MICAL3: variants seen among roughly 807,000 people sequenced by gnomAD.
The protein encoded by MICAL3 is [F-actin]-monooxygenase MICAL3.
MICAL3 carries 62 observed loss-of-function variants against 207.4 expected under a neutral mutation model. That is an observed-to-expected ratio of 0.30 (90% CI 0.24 to 0.37). MICAL3 has a LOEUF of 0.37. MICAL3 is among the 10% of genes least tolerant of loss of function. MICAL3 has a pLI of 1.00. For synonymous variants in MICAL3, 1,077 were observed against 1,069.3 expected (o/e 1.01, Z -0.14); for missense variants, 2,368 against 2,635.6 (o/e 0.90, Z 2.22).
intron 16 of MICAL3, among the ~76,000 whole-genome samples, chr22:17,883,398 T>A (rs759548578): frequency 3.9e-5 from 6 of 152,168 alleles, no homozygotes; most frequent in Non-Finnish European, 7.3e-5. Flanking sequence ...AAAACCCAAC[T>A]CACCACTCCT....
intron 19 of MICAL3, among the ~76,000 whole-genome samples, chr22:17,850,557 G>A (rs937648961): frequency 2.6e-5 from 4 of 151,770 alleles, no homozygotes; most frequent in East Asian, 1.9e-4. Flanking sequence ...GATTACAGGC[G>A]CCTGCCATCA....
At chr22:17,950,191 TCGC>T in intron 1 of MICAL3, among the ~76,000 whole-genome samples, 1 of 146,900 alleles carries the variant, frequency 6.8e-6, no homozygotes. Flanking sequence ...GACAAGAGTC[TCGC>T]TCTGTTACCC....
Position 17,959,010 on chromosome 22 carries a change from G to T in MICAL3, c.-74-52124C>A, listed in dbSNP as rs796870548. Among the ~76,000 whole-genome samples the T allele has an allele frequency of 3.6e-3, 310 of 85,904 alleles. 3 individuals carry two copies. The highest frequency in any genetic ancestry group is 0.013 in the African/African-American group (250 of 19,500). 56.4% of individuals were successfully genotyped at this position (85,904 alleles called of 152,430 possible). ...CATAAGCCACTGCGCCGGGCCTGGG[G>T]TTTTTTTTTTTTTTTTTTTTTTTGA... On this transcript the variant is annotated intron_variant, in intron 1 of 31. Coordinates refer to ENST00000441493, the MANE Select transcript of MICAL3 (RefSeq NM_015241.3).
At chr22:17,981,093 C>T (rs949792970) in intron 1 of MICAL3, 2 of 295,784 alleles carry the variant, frequency 6.8e-6, no homozygotes, top group African/African-American at 4.3e-5. Flanking sequence ...TTTATATGGA[C>T]ACATTTATTT....
intron 1 of MICAL3, among the ~76,000 whole-genome samples, chr22:18,021,341 A>C (rs1017006849): frequency 6.6e-6 from 1 of 152,212 alleles, no homozygotes; most frequent in Non-Finnish European, 1.5e-5. Flanking sequence ...TCAGGAAAGG[A>C]CATTTGGGCT....
chr22:17,889,172 T>C lies in MICAL3; in HGVS notation c.1753A>G (p.Ile585Val), dbSNP rs1008811258. The C allele has an allele frequency of 2.5e-6, 4 of 1,613,846 alleles. No individual in the cohort carries two copies. Among genetic ancestry groups the C allele is most frequent in the South Asian group, 2.2e-5 (2 of 91,074 alleles). ...VEKNNQLAFD[I>V]AEKELGISPI... ...GAAATGCCCAATTCCTTCTCAGCAA[T>C]GTCAAAGGCCAGTTGGTTATTCTTC... is the stretch of plus-strand genomic sequence containing the variant. Residue 585 changes from isoleucine (I) to valine (V), a missense_variant, in exon 13 of 32, where the codon ATT becomes GTT. Physicochemically the swap from Ile to Val is conservative, Grantham distance 29. Transcript: ENST00000441493.
chr22:17,981,175 A>G (rs1935892627), intron 1 of MICAL3, among the ~76,000 whole-genome samples: 1 of 152,236 alleles, frequency 6.6e-6, no homozygotes, highest in African/African-American at 2.4e-5. Flanking sequence ...ATAAATATAT[A>G]TCATAAAATA....
intron 1 of MICAL3, among the ~76,000 whole-genome samples, chr22:18,008,109 G>A (rs1923517530): frequency 6.6e-6 from 1 of 151,844 alleles, no homozygotes; most frequent in Non-Finnish European, 1.5e-5. Context: ...CATGGTGGCA[G>A]CCTGCCTGTG....
chr22:17,942,346 A>G (rs1356108277), intron 1 of MICAL3, among the ~76,000 whole-genome samples: 2 of 152,146 alleles, frequency 1.3e-5, no homozygotes, highest in African/African-American at 4.8e-5. Context: ...GCCCAGCCCC[A>G]CCAAGAACAG....
Position 17,789,704 on chromosome 22 carries a change from G to C in MICAL3, c.*1028C>G, listed in dbSNP as rs2145942662. 1 of 152,438 alleles carries C rather than the reference G, an allele frequency of 6.6e-6. No individual in the cohort carries two copies. Among genetic ancestry groups the C allele is most frequent in the East Asian group, 1.9e-4 (1 of 5,184 alleles). The allele number at this position is 152,438 out of a possible 1,614,324, so 9.4% of individuals were successfully genotyped here. ...ACGTGAGGAGCACCGGGCAGCCCCG[G>C]ACCAGGTCGCGTAGGACGCACCAGA... On this transcript the variant is annotated 3_prime_UTR_variant, in exon 32 of 32. Transcript: ENST00000441493.
intron 1 of MICAL3, among the ~76,000 whole-genome samples, chr22:17,938,233 CAA>C (rs1436203040): frequency 2.0e-5 from 3 of 152,178 alleles, no homozygotes; most frequent in Non-Finnish European, 2.9e-5. Flanking sequence ...CATTCAAACT[CAA>C]GAGCGCCTCA....
intron 1 of MICAL3, among the ~76,000 whole-genome samples, chr22:17,998,547 A>AATT (rs869148250): frequency 1.4e-4 from 19 of 138,170 alleles, no homozygotes; most frequent in African/African-American, 3.9e-4. Context: ...TAATAATAAT[A>AATT]ATTATTATTA....
rs556108386 is a variant in MICAL3, at chr22:17,866,093, T to C, written c.2429-81A>G. On this transcript the variant is annotated intron_variant, in intron 17 of 31. Coordinates refer to ENST00000441493, the MANE Select transcript of MICAL3 (RefSeq NM_015241.3). ...GTGCCTCCCTGGTCTCAGCCACTCC[T>C]TTCCATCTCCTCCAGCCTCACAAGG... The C allele has an allele frequency of 1.2e-5, 13 of 1,040,802 alleles. No homozygotes were observed. In the South Asian group the frequency reaches 1.4e-4, roughly 11 times the overall value. 64.5% of individuals were successfully genotyped at this position (1,040,802 alleles called of 1,614,324 possible).
rs138053958 is a variant in MICAL3, at chr22:17,937,693, T to C, written c.-74-30807A>G. Among the ~76,000 whole-genome samples the C allele has an allele frequency of 6.5e-3, 990 of 152,258 alleles. 10 individuals are homozygous for C. The highest frequency in any genetic ancestry group is 0.023 in the African/African-American group (958 of 41,548). On this transcript the variant is annotated intron_variant, in intron 1 of 31. Transcript: ENST00000441493. ...TAATAATTAACAATAATAAAAAAGATGGATTGCTATCAAAAACAGATTGCT... is the reference window on the plus strand; with the variant it reads ...TAATAATTAACAATAATAAAAAAGACGGATTGCTATCAAAAACAGATTGCT...
chr22:18,010,565 C>T (rs142927597), intron 1 of MICAL3, among the ~76,000 whole-genome samples: 1 of 152,002 alleles, frequency 6.6e-6, no homozygotes, highest in African/African-American at 2.4e-5. Flanking sequence ...TTGAGAGGTC[C>T]CTCAAAAGAA....
intron 1 of MICAL3, among the ~76,000 whole-genome samples, chr22:18,014,675 A>T (rs1485898938): frequency 1.3e-5 from 2 of 152,172 alleles, no homozygotes; most frequent in African/African-American, 4.8e-5. Context: ...TGGAAAAATT[A>T]AAGTCCTAAA....
chr22:17,920,915 A>G (rs1359576280), intron 1 of MICAL3, among the ~76,000 whole-genome samples: 1 of 152,168 alleles, frequency 6.6e-6, no homozygotes, highest in Non-Finnish European at 1.5e-5. Context: ...TGGGGCCCCA[A>G]ACTCACTAAG....
intron 1 of MICAL3, among the ~76,000 whole-genome samples, chr22:17,922,204 C>T (rs990530713): frequency 6.6e-6 from 1 of 151,398 alleles, no homozygotes; most frequent in South Asian, 2.1e-4. Flanking sequence ...AAGTCCAGGT[C>T]TGCCTACCCG....
intron 20 of MICAL3, chr22:17,839,791 C>T (rs181797047): frequency 1.3e-5 from 2 of 152,190 alleles, no homozygotes; most frequent in African/African-American, 4.8e-5. Context: ...TGGTCTCGAA[C>T]TTTTGGCCTC....
Sources: gnomAD v4.1 joint callset for allele counts (sites outside exome capture counted in the v4.1 genomes callset) on GRCh38, gnomAD v4.1.1 for gene constraint, MANE v1.5 for transcripts, NCBI Gene and HGNC (gene_info 2026-07-23, HGNC 2026-07-21) for gene names.